Variants in FNDC7 observed in about 807,000 individuals in gnomAD.
The protein encoded by FNDC7 is fibronectin type III domain-containing protein 7.
Under a neutral mutation model 74.2 loss-of-function variants are expected in FNDC7, and 66 were observed. The ratio of observed to expected loss-of-function variants is 0.89; its 90% CI spans 0.73 to 1.09. The LOEUF is 1.09. Ranked by LOEUF, FNDC7 falls within the 50% of genes least tolerant of loss-of-function variation. The pLI, the probability that FNDC7 is intolerant of heterozygous loss-of-function variation, is 0.00. For synonymous variants in FNDC7, 307 were observed against 330.2 expected (o/e 0.93, Z 0.76); for missense variants, 829 against 893.4 (o/e 0.93, Z 0.92).
intron 10 of FNDC7, among the ~76,000 whole-genome samples, chr1:108,735,721 A>C (rs115047204): frequency 6.6e-6 from 1 of 152,276 alleles, no homozygotes; most frequent in African/African-American, 2.4e-5. Context: ...CTTATAGTAC[A>C]TTTAGTTCAA....
Position 108,733,307 on chromosome 1 carries a change from C to G in FNDC7, c.1915C>G (p.Leu639Val), listed in dbSNP as rs781673235. Residue 639 changes from leucine to valine, a missense_variant, in exon 10 of 13, where the codon CTG becomes GTG. By Grantham distance (32) the Leu-to-Val change is conservative (BLOSUM62 1). Coordinates refer to ENST00000370017, the MANE Select transcript of FNDC7 (RefSeq NM_001144937.3). ...CCCTTTGGGGGTGAAATTATATAGG[C>G]TGGGCCCTAATGGCATCCGGATCTA... The part of the protein sequence containing the change: ...CCPLGVKLYR[L>V]GPNGIRIYWQ... 1 of 1,613,940 alleles carries G rather than the reference C, an allele frequency of 6.2e-7. No homozygotes were observed. The highest frequency in any genetic ancestry group is 2.2e-5 in the East Asian group (1 of 44,890).
chr1:108,738,461 C>T (rs1192654121), intron 11 of FNDC7, among the ~76,000 whole-genome samples: 1 of 152,112 alleles, frequency 6.6e-6, no homozygotes, highest in Non-Finnish European at 1.5e-5. Flanking sequence ...TTTTAGGGGA[C>T]AGCTTGGTCT....
In FNDC7 at chr1:108,725,753, C is replaced by T; in HGVS notation, c.860C>T (p.Ala287Val). The change falls in exon 6 of 13, where the codon GCT (alanine) becomes GTT (valine). Residue 287 changes from alanine (A) to valine (V), a missense_variant. Physicochemically the swap from Ala to Val is moderately conservative, Grantham distance 64. Transcript: ENST00000370017. ...SSSAMTLKTVACAPGRVTIQE... is the reference protein window; with the variant it reads ...SSSAMTLKTVVCAPGRVTIQE... ...TTTATTATTGATCATTTCCTAGTTG[C>T]TTGTGCACCCGGAAGAGTGACGATC... 6.2e-7 allele frequency: 1 copy of T among 1,613,482 alleles called. No homozygotes were observed. The highest frequency in any genetic ancestry group is 8.5e-7 in the Non-Finnish European group (1 of 1,179,620).
rs1449862284 is a variant in FNDC7 at position 108,717,949 on chromosome 1, T to C, written c.255T>C (p.Ala85=). Residue 85 remains alanine (A), a synonymous_variant, in exon 3 of 13, where the codon GCT becomes GCC. Transcript: ENST00000370017. The stretch of plus-strand genomic sequence containing the variant: ...CAGGCACTGTGACGGGACTAAAGGC[T>C]GCAACCTGGTATGAAATCACCATCA... The part of the protein sequence containing the change: ...NSPGTVTGLK[A]ATWYEITIRS... 6.4e-7 allele frequency: 1 copy of C among 1,551,720 alleles called. No homozygotes were observed.
chr1:108,726,201 G>A (rs946221676), intron 6 of FNDC7, among the ~76,000 whole-genome samples, 197 bp downstream of exon 6: 5 of 152,162 alleles, frequency 3.3e-5, no homozygotes, highest in Admixed American at 6.5e-5. Context: ...TAGACTGCAA[G>A]GTTTGGGAGT....
chr1:108,738,942 C>A (rs1245056692), intron 11 of FNDC7, among the ~76,000 whole-genome samples: 1 of 152,064 alleles, frequency 6.6e-6, no homozygotes, highest in African/African-American at 2.4e-5. Context: ...AGACCATACA[C>A]CCTGGTCTTC....
chr1:108,737,673 C>G (rs959767159), intron 11 of FNDC7, 149 bp downstream of exon 11: 5 of 571,006 alleles, frequency 8.8e-6, no homozygotes, highest in Non-Finnish European at 1.5e-5. Context: ...ATGACTTTTT[C>G]TCCCCATTAT....
At chr1:108,719,128 C>T in intron 4 of FNDC7, 79 bp downstream of exon 4, 22 of 1,480,762 alleles carry the variant, frequency 1.5e-5, no homozygotes, top group Non-Finnish European at 2.0e-5. Context: ...CCATCAAGGG[C>T]AGTGTTACAT....
chr1:108,712,998 TGAG>T lies in FNDC7; in HGVS notation c.63+3_63+5del. The stretch of plus-strand genomic sequence containing the variant: ...TTCATTCTTATCTGTCTTAAAATGG[TGAG>T]TTCATCATTCCAACTACCCACAACT... On this transcript the variant is annotated splice_donor_5th_base_variant and intron_variant, in intron 1 of 12. Transcript: ENST00000370017. 6.4e-7 allele frequency: 1 copy of T among 1,551,146 alleles called. No homozygotes were observed. The highest frequency in any genetic ancestry group is 8.7e-7 in the Non-Finnish European group (1 of 1,146,590).
intron 6 of FNDC7, among the ~76,000 whole-genome samples, chr1:108,727,285 A>G (rs914089463): frequency 3.9e-5 from 6 of 152,280 alleles, no homozygotes; most frequent in African/African-American, 9.6e-5. Flanking sequence ...AGATCACACC[A>G]CTGCACTCCA....
intron 6 of FNDC7, among the ~76,000 whole-genome samples, chr1:108,726,700 A>C (rs1051773805): frequency 1.3e-5 from 2 of 152,190 alleles, no homozygotes; most frequent in African/African-American, 4.8e-5. Context: ...TAGTGTGATC[A>C]GCATATGGGA....
intron 6 of FNDC7, among the ~76,000 whole-genome samples, chr1:108,727,500 A>G (rs1205755774): frequency 6.6e-6 from 1 of 152,158 alleles, no homozygotes; most frequent in African/African-American, 2.4e-5. Flanking sequence ...GGGGTCAGCA[A>G]TCTTCTCTGC....
chr1:108,741,730 A>G (rs372030893), intron 11 of FNDC7, 43 bp from the exon 12 acceptor site: 216 of 1,598,470 alleles, frequency 1.4e-4, no homozygotes, highest in Non-Finnish European at 1.7e-4. Flanking sequence ...ATGTCTGCAT[A>G]TTGAATGCAT....
At chr1:108,739,179 A>C (rs976841059) in intron 11 of FNDC7, among the ~76,000 whole-genome samples, 1 of 152,246 alleles carries the variant, frequency 6.6e-6, no homozygotes, top group Non-Finnish European at 1.5e-5. Context: ...AAGAATGTCT[A>C]TGTTTTAACA....
intron 6 of FNDC7, 79 bp downstream of exon 6, chr1:108,726,083 A>G (rs1661215682): frequency 3.3e-6 from 5 of 1,515,654 alleles, no homozygotes; most frequent in Admixed American, 3.5e-5. Flanking sequence ...TATTCCACTT[A>G]TTGACTTACC....
intron 8 of FNDC7, 104 bp downstream of exon 8, chr1:108,728,990 T>C: frequency 7.2e-7 from 1 of 1,383,124 alleles, no homozygotes; most frequent in Non-Finnish European, 9.9e-7. Context: ...GCAACAGAAA[T>C]ACATTAAACT....
Position 108,737,512 on chromosome 1 carries a change from A to G in FNDC7, c.2158A>G (p.Thr720Ala), listed in dbSNP as rs1238627482. The G allele has an allele frequency of 1.3e-6, 2 of 1,593,200 alleles. No homozygotes were observed. The highest frequency in any genetic ancestry group is 1.7e-6 in the Non-Finnish European group (2 of 1,173,470). Reference protein sequence around the residue: ...KIYSVTCSGSTLGMVIYRGKR... With the variant: ...KIYSVTCSGSALGMVIYRGKR... The stretch of plus-strand genomic sequence containing the variant: ...TATTACAGTAACTTGCTCTGGAAGT[A>G]CACTTGGAATGGGTAAGTCATTTTT... Residue 720 changes from threonine (T) to alanine (A), a missense_variant, in exon 11 of 13, where the codon ACA becomes GCA. Transcript: ENST00000370017.
intron 10 of FNDC7, among the ~76,000 whole-genome samples, chr1:108,735,151 T>G (rs1264108107): frequency 6.6e-6 from 1 of 152,182 alleles, no homozygotes; most frequent in Non-Finnish European, 1.5e-5. Context: ...AGCTTCTGTC[T>G]CCCTCACCCT....
At chr1:108,739,127 T>C (rs753729325) in intron 11 of FNDC7, among the ~76,000 whole-genome samples, 1 of 151,520 alleles carries the variant, frequency 6.6e-6, no homozygotes, top group Non-Finnish European at 1.5e-5. Context: ...AAAATAAAAA[T>C]GTAAAAATGT....
Sources: gnomAD v4.1 joint callset for allele counts (sites outside exome capture counted in the v4.1 genomes callset) on GRCh38, gnomAD v4.1.1 for gene constraint, MANE v1.5 for transcripts, NCBI Gene and HGNC (gene_info 2026-07-23, HGNC 2026-07-21) for gene names.